Variants in PPL observed in about 807,000 individuals in gnomAD.
PPL encodes periplakin, also known as 190 kDa paraneoplastic pemphigus antigen.
In PPL, 198 loss-of-function variants were observed where a neutral mutation model predicts 194.4. That is an observed-to-expected ratio of 1.02 (90% CI 0.91 to 1.15). The LOEUF (loss-of-function observed/expected upper bound fraction) is 1.15, where lower values mean the gene tolerates loss of function less well. PPL is among the 50% of genes most tolerant of loss of function. The probability of loss-of-function intolerance (pLI) is 0.00; values close to 1 mark genes in which losing one functional copy is unlikely to be tolerated. For synonymous variants in PPL, 1,220 were observed against 972.4 expected (o/e 1.25, Z -4.74); for missense variants, 2,885 against 2,294.8 (o/e 1.26, Z -5.25).
intron 1 of PPL, among the ~76,000 whole-genome samples, chr16:4,926,878 CAAAA>C (rs71402575): frequency 1.2e-5 from 1 of 81,752 alleles, no homozygotes; most frequent in African/African-American, 4.1e-5. Flanking sequence ...GACTCTGTCT[CAAAA>C]AAAAAAAAAA....
intron 4 of PPL, 76 bp from the exon 5 acceptor site, chr16:4,901,165 C>T (rs948381250): frequency 9.9e-6 from 15 of 1,521,120 alleles, no homozygotes; most frequent in East Asian, 2.3e-5. Flanking sequence ...CCAGGAGCCT[C>T]GGGGGTGGGC....
At chr16:4,913,557 G>C (rs1843459845) in intron 1 of PPL, among the ~76,000 whole-genome samples, 1 of 152,208 alleles carries the variant, frequency 6.6e-6, no homozygotes, top group Non-Finnish European at 1.5e-5. Flanking sequence ...GTGGTTTTGA[G>C]ACCGAGTCTC....
intron 1 of PPL, among the ~76,000 whole-genome samples, chr16:4,936,259 G>C (rs905111573): frequency 2.0e-4 from 30 of 152,184 alleles, no homozygotes; most frequent in Middle Eastern, 3.2e-3. Flanking sequence ...GCTTCGAAGA[G>C]GAGGCCCCGA....
chr16:4,895,122 C>A, intron 11 of PPL, 139 bp downstream of exon 11: 1 of 1,154,272 alleles, frequency 8.7e-7, no homozygotes, highest in East Asian at 2.7e-5. Context: ...TTGGCCTGCA[C>A]CAGGGGAAGG....
intron 1 of PPL, among the ~76,000 whole-genome samples, chr16:4,932,454 G>C (rs1030278364): frequency 2.0e-5 from 3 of 151,026 alleles, no homozygotes; most frequent in African/African-American, 4.9e-5. Flanking sequence ...CTGTCTCCCA[G>C]GCTGGAGTGC....
At position 4,895,422 on chromosome 16, in the gene PPL, G is replaced by A; in HGVS notation, c.1096-15C>T. The A allele has an allele frequency of 1.2e-6, 2 of 1,611,624 alleles. No individual in the cohort carries two copies. Among genetic ancestry groups the A allele is most frequent in the South Asian group, 1.1e-5 (1 of 91,044 alleles). ...TTCTCCTGGTCCTGGAGAGAACGGG[G>A]TCAGGGGCCCAGGTGAGACCAACAG... On this transcript the variant is annotated splice_polypyrimidine_tract_variant and intron_variant, in intron 10 of 21. Coordinates refer to ENST00000345988, the MANE Select transcript of PPL (RefSeq NM_002705.5).
chr16:4,897,637 C>A lies in PPL; in HGVS notation c.972+38G>T, dbSNP rs201173658. On this transcript the variant is annotated intron_variant, in intron 9 of 21. Coordinates refer to ENST00000345988, the MANE Select transcript of PPL (RefSeq NM_002705.5). The stretch of plus-strand genomic sequence containing the variant: ...CACTGAGCGCTCTCAGAGAGTAGCA[C>A]CCCCGGTGCTGGGGGGACTCCCAGG... The A allele has an allele frequency of 3.9e-6, 6 of 1,539,130 alleles. No homozygotes were observed. The African/African-American group carries it at 4.1e-5, about 11-fold the overall frequency.
Position 4,890,782 on chromosome 16 carries a change from T to C in PPL, c.2108A>G (p.Glu703Gly). The C allele has an allele frequency of 6.2e-7, 1 of 1,608,844 alleles. No homozygotes were observed. Among genetic ancestry groups the C allele is most frequent in the Non-Finnish European group, 8.5e-7 (1 of 1,178,026 alleles). ...GAAACGCTGGCCCAGCTTGTGCACC[T>C]CGGCCTCCTGGCGCTCCAGGTCCGG... ...HCPDLERQEA[E>G]VHKLGQRFNN... Residue 703 changes from glutamate (E) to glycine (G), a missense_variant, in exon 17 of 22, where the codon GAG becomes GGG. Coordinates refer to ENST00000345988, the MANE Select transcript of PPL (RefSeq NM_002705.5).
rs774264809 is a variant in PPL, at chr16:4,885,996, A to G, written c.2659T>C (p.Ser887Pro). 20 of 1,613,812 alleles carry G rather than the reference A, an allele frequency of 1.2e-5. No homozygotes were observed. In the African/African-American group the frequency reaches 2.3e-4, roughly 18 times the overall value. The change falls in exon 22 of 22, where the codon TCT becomes CCT. Residue 887 changes from serine to proline, a missense_variant. Transcript: ENST00000345988. This position sits in a 1 kb window ranked among gnomAD's most constrained non-coding sequence, Gnocchi z 6.3. ...HETLQRNRPD[S>P]GVEEAWKIRK... ...ATCTTCCACGCCTCCTCCACTCCAG[A>G]GTCCGGCCTATTCCTTTGCAGGGTC...
At chr16:4,898,165 G>T (rs1345512378) in intron 8 of PPL, among the ~76,000 whole-genome samples, 1 of 152,220 alleles carries the variant, frequency 6.6e-6, no homozygotes, top group Non-Finnish European at 1.5e-5. Context: ...ATCACCTGAG[G>T]TCAGGAGTTT....
intron 16 of PPL, 199 bp downstream of exon 16, chr16:4,891,612 G>T: frequency 1.7e-6 from 1 of 603,660 alleles, no homozygotes; most frequent in East Asian, 3.0e-5. Context: ...GCTGGCACCC[G>T]AAATCCCGTA....
chr16:4,903,623 G>C (rs1365079155), intron 3 of PPL, among the ~76,000 whole-genome samples: 2 of 152,106 alleles, frequency 1.3e-5, no homozygotes, highest in Non-Finnish European at 2.9e-5. Context: ...GGGAGGCTGA[G>C]GCATGAGAAT....
rs370851120 is a variant in PPL at position 4,884,237 on chromosome 16, C to T, written c.4418G>A (p.Arg1473Gln). 1.9e-5 allele frequency: 31 copies of T among 1,613,710 alleles called. No individual in the cohort carries two copies. Among genetic ancestry groups the T allele is most frequent in the South Asian group, 7.7e-5 (7 of 91,078 alleles). The change falls in exon 22 of 22, where the codon CGG becomes CAG. Residue 1473 changes from arginine (R) to glutamine (Q), a missense_variant. Coordinates refer to ENST00000345988, the MANE Select transcript of PPL (RefSeq NM_002705.5). The surrounding 1 kb of genome is among the most constrained non-coding windows in gnomAD (Gnocchi z 5.7). ...CTCGAGCTCCCCCTCCAGGAGCTGCCGCCGGTGCTGCTCTTCTTCCAGCTG... is the reference window on the plus strand; with the variant it reads ...CTCGAGCTCCCCCTCCAGGAGCTGCTGCCGGTGCTGCTCTTCTTCCAGCTG... Reference protein sequence around the residue: ...RLQLEEEQHRRQLLEGELETL... With the variant: ...RLQLEEEQHRQQLLEGELETL...
At position 4,902,560 on chromosome 16, in the gene PPL, G is replaced by T; in HGVS notation, c.318-34C>A. 1 of 1,605,056 alleles carries T rather than the reference G, an allele frequency of 6.2e-7. No individual in the cohort carries two copies. Among genetic ancestry groups the T allele is most frequent in the South Asian group, 1.1e-5 (1 of 88,960 alleles). ...AGAGAGGCTCCCACTTAGTGGGGCT[G>T]GTTGGCACTGCCTGCACCCCAGGAG... On this transcript the variant is annotated intron_variant, in intron 3 of 21. Transcript: ENST00000345988. The surrounding 1 kb of genome is among the most constrained non-coding windows in gnomAD (Gnocchi z 4.0).
In PPL at chr16:4,895,777, C is replaced by T. The variant is rs564059766; in HGVS notation, c.973-61G>A. On this transcript the variant is annotated intron_variant, in intron 9 of 21. Transcript: ENST00000345988. ...CCACTAGAAGCACCTGGGCTTCTGTCGGAGGCTTCAAGCTCATCCCTCAGG... is the reference window on the plus strand; with the variant it reads ...CCACTAGAAGCACCTGGGCTTCTGTTGGAGGCTTCAAGCTCATCCCTCAGG... 1.8e-4 allele frequency: 284 copies of T among 1,609,128 alleles called. 1 individual carries two copies. In the South Asian group the frequency reaches 2.2e-3, roughly 12 times the overall value.
At chr16:4,891,463 G>GAGAT (rs2088318128) in intron 16 of PPL, 10 of 146,342 alleles carry the variant, frequency 6.8e-5, no homozygotes, top group Non-Finnish European at 1.3e-4. Flanking sequence ...TTTTTTTTAA[G>GAGAT]AGATAGGGTC....
At position 4,897,752 on chromosome 16, in the gene PPL, G is replaced by A; in HGVS notation, c.895C>T (p.His299Tyr). Reference protein sequence around the residue: ...NSIEAHMEAVHADWKEYLNLL... With the variant: ...NSIEAHMEAVYADWKEYLNLL... ...TTCAGGTACTCCTTCCAGTCTGCGTGCACAGCCTCCATGTGCGCCTGCCAG... is the reference window on the plus strand; with the variant it reads ...TTCAGGTACTCCTTCCAGTCTGCGTACACAGCCTCCATGTGCGCCTGCCAG... Residue 299 changes from histidine (H) to tyrosine (Y), a missense_variant, in exon 9 of 22, where the codon CAC becomes TAC. Coordinates refer to ENST00000345988, the MANE Select transcript of PPL (RefSeq NM_002705.5). 6.2e-7 allele frequency: 1 copy of A among 1,613,812 alleles called. No individual in the cohort carries two copies. The highest frequency in any genetic ancestry group is 1.7e-5 in the Admixed American group (1 of 60,018).
chr16:4,914,725 G>A (rs978972813), intron 1 of PPL, among the ~76,000 whole-genome samples: 2 of 152,196 alleles, frequency 1.3e-5, no homozygotes, highest in African/African-American at 4.8e-5. Flanking sequence ...TCCTGCAGTG[G>A]AGAAAGCCAG....
intron 12 of PPL, among the ~76,000 whole-genome samples, chr16:4,894,006 G>C (rs908364973): frequency 3.3e-5 from 5 of 152,292 alleles, no homozygotes; most frequent in Middle Eastern, 3.4e-3. Flanking sequence ...CTTTGTACCA[G>C]GTACTTAACT....
Sources: gnomAD v4.1 joint callset for allele counts (sites outside exome capture counted in the v4.1 genomes callset) on GRCh38, gnomAD v4.1.1 for gene constraint, Gnocchi (gnomAD v3.1) non-coding constraint, MANE v1.5 for transcripts, NCBI Gene and HGNC (gene_info 2026-07-23, HGNC 2026-07-21) for gene names.